Variants in CDRT4 observed in about 807,000 individuals in gnomAD.
CDRT4 encodes CMT1A duplicated region transcript 4 protein.
For missense variants in CDRT4, 167 were observed against 193.1 expected, an observed-to-expected ratio of 0.87 and a Z score of 0.80; for synonymous variants, 64 against 69.6, an observed-to-expected ratio of 0.92 and a Z score of 0.40.
chr17:15,436,779 G>A lies in CDRT4; in HGVS notation c.*994C>T, dbSNP rs1402960182. 1 of 152,234 alleles carries A rather than the reference G, an allele frequency of 6.6e-6. No individual in the cohort carries two copies. Among genetic ancestry groups the A allele is most frequent in the African/African-American group, 2.4e-5 (1 of 41,456 alleles). 9.4% of individuals were successfully genotyped at this position (152,234 alleles called of 1,614,324 possible). A position where few individuals can be genotyped will look rare whatever the true frequency, so the allele number is the denominator to read the frequency against. On this transcript the variant is annotated 3_prime_UTR_variant, in exon 4 of 4. Coordinates refer to ENST00000619038, the MANE Select transcript of CDRT4 (RefSeq NM_001204477.2). ...ATACCAGGTCCAGGAGCAGCTGGAT[G>A]GGATCACTCAGAACCCGGCCGAGAG...
intron 1 of CDRT4, among the ~76,000 whole-genome samples, chr17:15,463,373 T>C (rs1979847302): frequency 6.6e-6 from 1 of 152,104 alleles, no homozygotes; most frequent in Non-Finnish European, 1.5e-5. Flanking sequence ...TTGGCTCGTG[T>C]CTCTCTAAGG....
At chr17:15,443,099 C>T (rs1219661610) in intron 2 of CDRT4, among the ~76,000 whole-genome samples, 1 of 152,102 alleles carries the variant, frequency 6.6e-6, no homozygotes, top group Non-Finnish European at 1.5e-5. Context: ...CTCATCCCAC[C>T]ATTTTCAGAA....
chr17:15,447,189 T>C (rs2906984), intron 2 of CDRT4, among the ~76,000 whole-genome samples: 26,126 of 152,148 alleles, frequency 0.17, 3,980 homozygotes, highest in East Asian at 0.48. Context: ...ACATGTTCCA[T>C]CAACCACTCT....
At chr17:15,462,983 T>C (rs1471475662) in intron 1 of CDRT4, among the ~76,000 whole-genome samples, 1 of 152,016 alleles carries the variant, frequency 6.6e-6, no homozygotes, top group African/African-American at 2.4e-5. Flanking sequence ...TTTTTAAAGA[T>C]AAAGATATTA....
intron 3 of CDRT4, among the ~76,000 whole-genome samples, chr17:15,439,312 G>C (rs1567608049): frequency 6.6e-6 from 1 of 152,208 alleles, no homozygotes; most frequent in Non-Finnish European, 1.5e-5. Flanking sequence ...ATCAAGTGAA[G>C]TGTAGGTCGT....
At chr17:15,441,632 G>A (rs1006434464) in intron 2 of CDRT4, among the ~76,000 whole-genome samples, 1 of 151,904 alleles carries the variant, frequency 6.6e-6, no homozygotes, top group Non-Finnish European at 1.5e-5. Context: ...TCATTGACAG[G>A]GTCAACTTTA....
chr17:15,459,439 C>CTTTTTT (rs35161691), intron 1 of CDRT4, among the ~76,000 whole-genome samples: 26 of 107,502 alleles, frequency 2.4e-4, no homozygotes, highest in African/African-American at 4.3e-4. Flanking sequence ...CTTTTTTTTT[C>CTTTTTT]TTTTTTTTTT....
chr17:15,438,166 T>C lies in CDRT4; in HGVS notation c.66A>G (p.Leu22=), dbSNP rs144598322. Residue 22 remains leucine, a synonymous_variant, in exon 4 of 4, where the codon CTA becomes CTG. Transcript: ENST00000619038. ...CCGGCCAGGGGTCATGTTTTTCAAGTAGCTTCCGGGGAAGTCCAGTGTTTT... is the reference window on the plus strand; with the variant it reads ...CCGGCCAGGGGTCATGTTTTTCAAGCAGCTTCCGGGGAAGTCCAGTGTTTT... ...LTENTGLPRK[L]LEKHDPWPAY... 8.1e-5 allele frequency: 130 copies of C among 1,613,948 alleles called. No homozygotes were observed. The highest frequency in any genetic ancestry group is 1.0e-4 in the Non-Finnish European group (119 of 1,179,988).
In CDRT4 at chr17:15,464,999, TACAGACACACACAAC is replaced by T. The variant is rs1162830716; in HGVS notation, c.-130+2446_-130+2460del. Among the ~76,000 whole-genome samples the T allele has an allele frequency of 4.9e-5, 5 of 101,808 alleles. No individual in the cohort carries two copies. The highest frequency in any genetic ancestry group is 4.0e-4 in the Admixed American group (4 of 10,046). The allele number at this position is 101,808 out of a possible 152,430, so 66.8% of individuals were successfully genotyped here. A position where few individuals can be genotyped will look rare whatever the true frequency, so the allele number is the denominator to read the frequency against. On this transcript the variant is annotated intron_variant, in intron 1 of 3. Transcript: ENST00000619038. The surrounding 1 kb of genome is among the most constrained non-coding windows in gnomAD (Gnocchi z 4.5). ...CACACCAACACACAGACACACGCAA[TACAGACACACACAAC>T]ACAGACACACACCAACACACAGACA...
At position 15,443,863 on chromosome 17, in the gene CDRT4, T is replaced by C. The variant is rs73287752; in HGVS notation, c.-47-3578A>G. ...GACTATTTTACTCATGTACAGAACA[T>C]GATCAAGGGTGTCACACTGGGCTTC... On this transcript the variant is annotated intron_variant, in intron 2 of 3. Coordinates refer to ENST00000619038, the MANE Select transcript of CDRT4 (RefSeq NM_001204477.2). The C allele has an allele frequency of 8.1e-3, 4,885 of 601,540 alleles. 179 individuals carry two copies. The highest frequency in any genetic ancestry group is 0.081 in the African/African-American group (4,393 of 54,532). 37.3% of individuals were successfully genotyped at this position (601,540 alleles called of 1,614,324 possible).
chr17:15,441,271 A>C (rs1310650532), intron 2 of CDRT4, among the ~76,000 whole-genome samples: 1 of 152,182 alleles, frequency 6.6e-6, no homozygotes, highest in Non-Finnish European at 1.5e-5. Context: ...GGTCGAAGGC[A>C]GTGCTTCTCA....
rs1454003543 is a variant in CDRT4, at chr17:15,465,275, CACAA to C, written c.-130+2181_-130+2184del. Among the ~76,000 whole-genome samples, 269 of 110,576 alleles carry C rather than the reference CACAA, an allele frequency of 2.4e-3. 14 individuals carry two copies. The highest frequency in any genetic ancestry group is 0.01 in the African/African-American group (219 of 20,916). 72.5% of individuals were successfully genotyped at this position (110,576 alleles called of 152,430 possible). On this transcript the variant is annotated intron_variant, in intron 1 of 3. Transcript: ENST00000619038. ...CCAACACACACAACACACACACCAACACAAACACACACCAACACCAGACACACCA... is the reference window on the plus strand; with the variant it reads ...CCAACACACACAACACACACACCAACACACACACCAACACCAGACACACCA...
intron 1 of CDRT4, among the ~76,000 whole-genome samples, chr17:15,463,322 C>T (rs1182621168): frequency 1.3e-5 from 2 of 152,162 alleles, no homozygotes; most frequent in African/African-American, 4.8e-5. Flanking sequence ...CAAAGAAAGA[C>T]TCCACCATCA....
At chr17:15,457,835 G>A (rs1186179956) in intron 1 of CDRT4, among the ~76,000 whole-genome samples, 3 of 152,170 alleles carry the variant, frequency 2.0e-5, no homozygotes, top group Admixed American at 6.5e-5. Context: ...GTCAGTGCAC[G>A]GGGCTTCTCC....
Position 15,459,703 on chromosome 17 carries a change from CCCAAA to C in CDRT4, c.-129-6623_-129-6619del, listed in dbSNP as rs1979662973. Among the ~76,000 whole-genome samples the C allele has an allele frequency of 3.3e-5, 5 of 152,224 alleles. No individual in the cohort carries two copies. In the South Asian group the frequency reaches 1.0e-3, roughly 32 times the overall value. On this transcript the variant is annotated intron_variant, in intron 1 of 3. Transcript: ENST00000619038. ...CCTCGTGATCCGCCCGCCTCGGCCT[CCCAAA>C]GTGCTGGGATTACAGGCATGAGCCA... is the stretch of plus-strand genomic sequence containing the variant.
Position 15,450,088 on chromosome 17 carries a change from T to C in CDRT4, c.-48+2916A>G, listed in dbSNP as rs11078301. On this transcript the variant is annotated intron_variant, in intron 2 of 3. Transcript: ENST00000619038. The surrounding 1 kb of genome is among the most constrained non-coding windows in gnomAD (Gnocchi z 4.2). ...AGGTAGATTCCCAGTAGTGGAACTGTTGTGTCCAATGGTAGTTCTATGTTT... is the reference window on the plus strand; with the variant it reads ...AGGTAGATTCCCAGTAGTGGAACTGCTGTGTCCAATGGTAGTTCTATGTTT... 0.98 allele frequency among the ~76,000 whole-genome samples: 148,576 copies of C among 152,324 alleles called. 72,566 individuals are homozygous for C. Among genetic ancestry groups the C allele is most frequent in the East Asian group, 1 (5,190 of 5,190 alleles).
chr17:15,441,553 G>A (rs1978761196), intron 2 of CDRT4, among the ~76,000 whole-genome samples: 1 of 152,084 alleles, frequency 6.6e-6, no homozygotes, highest in Non-Finnish European at 1.5e-5. Context: ...TCCGAGATAA[G>A]CAGTTCCCAG....
intron 1 of CDRT4, among the ~76,000 whole-genome samples, chr17:15,463,748 C>T (rs561873061): frequency 3.7e-4 from 57 of 152,310 alleles, no homozygotes; most frequent in African/African-American, 1.3e-3. Flanking sequence ...TAAAGTATCT[C>T]CTCCTTAACA....
At chr17:15,448,558 C>A (rs1038614144) in intron 2 of CDRT4, among the ~76,000 whole-genome samples, 2 of 152,326 alleles carry the variant, frequency 1.3e-5, no homozygotes, top group Admixed American at 6.5e-5. Flanking sequence ...GCCGCAGACA[C>A]CCCTGGGACT....
Sources: gnomAD v4.1 joint callset for allele counts (sites outside exome capture counted in the v4.1 genomes callset) on GRCh38, gnomAD v4.1.1 for gene constraint, Gnocchi (gnomAD v3.1) non-coding constraint, MANE v1.5 for transcripts, NCBI Gene and HGNC (gene_info 2026-07-23, HGNC 2026-07-21) for gene names.